SH3D21: variants seen among roughly 807,000 people sequenced by gnomAD.
The protein encoded by SH3D21 is SH3 domain-containing protein 21.
Under a neutral mutation model 82.1 loss-of-function variants are expected in SH3D21, and 83 were observed. The ratio of observed to expected loss-of-function variants is 1.01; its 90% confidence interval spans 0.85 to 1.21. The LOEUF (loss-of-function observed/expected upper bound fraction) is 1.21, where lower values mean the gene tolerates loss of function less well. Ranked by LOEUF, SH3D21 falls within the 50% of genes most tolerant of loss-of-function variation. The pLI, the probability that SH3D21 is intolerant of heterozygous loss-of-function variation, is 0.00. For synonymous variants in SH3D21, 383 were observed against 387.8 expected (o/e 0.99, Z 0.15); for missense variants, 980 against 962.1 (o/e 1.02, Z -0.25).
At chr1:36,319,371 G>A in intron 12 of SH3D21, 59 bp downstream of exon 12, 1 of 1,551,020 alleles carries the variant, frequency 6.4e-7, no homozygotes, top group Non-Finnish European at 8.7e-7. Context: ...GGGTGGCTGT[G>A]CGGAGGGACA....
At chr1:36,314,321 C>T (rs1646301626) in intron 10 of SH3D21, among the ~76,000 whole-genome samples, 1 of 151,376 alleles carries the variant, frequency 6.6e-6, no homozygotes, top group Admixed American at 6.6e-5. Flanking sequence ...GGAGAAATGT[C>T]TGTTTGGATC....
chr1:36,307,539 GGAA>G lies in SH3D21; in HGVS notation c.375_377del (p.Lys125del), dbSNP rs748548166. On this transcript the variant is annotated inframe_deletion, in exon 5 of 16. Transcript: ENST00000453908. The surrounding 1 kb of genome is among the most constrained non-coding windows in gnomAD (Gnocchi z 5.4). The stretch of plus-strand genomic sequence containing the variant: ...CAGATTGAGGACGGCTGGTGGCTGG[GGAA>G]GAAGAACGGGCAGCTGGGAGCCTTC... 37 of 1,551,694 alleles carry G rather than the reference GGAA, an allele frequency of 2.4e-5. No individual in the cohort carries two copies. The African/African-American group carries it at 3.3e-4, about 14-fold the overall frequency.
downstream of SH3D21, chr1:36,321,971 C>T (rs1646471100): frequency 8.5e-7 from 1 of 1,169,980 alleles, no homozygotes; most frequent in Non-Finnish European, 1.1e-6. This position sits in a 1 kb window ranked among gnomAD's most constrained non-coding sequence, Gnocchi z 6.1. Context: ...TCCTGGGGCC[C>T]CTGCGTGGCA....
At chr1:36,327,625 C>T, downstream of SH3D21, 1 of 1,181,876 alleles carries the variant, frequency 8.5e-7, no homozygotes, top group Non-Finnish European at 1.1e-6. Flanking sequence ...TCAGGTATGA[C>T]TCAGCCCTAG....
chr1:36,327,715 TC>T, downstream of SH3D21: 1 of 1,212,810 alleles, frequency 8.2e-7, no homozygotes, highest in Non-Finnish European at 1.1e-6. Context: ...TGCTGTCTTC[TC>T]CAGGGGCTTG....
At chr1:36,310,297 A>G (rs780060826) in intron 10 of SH3D21, among the ~76,000 whole-genome samples, 1 of 152,198 alleles carries the variant, frequency 6.6e-6, no homozygotes, top group Non-Finnish European at 1.5e-5. Context: ...TCAAAAGTAT[A>G]TATAACACAT....
downstream of SH3D21, among the ~76,000 whole-genome samples, chr1:36,327,031 G>A (rs1481521104): frequency 3.3e-5 from 5 of 152,168 alleles, no homozygotes; most frequent in Non-Finnish European, 7.3e-5. Flanking sequence ...AAGTGGATGA[G>A]ACCGAACATC....
At chr1:36,311,487 G>A (rs185419650) in intron 10 of SH3D21, among the ~76,000 whole-genome samples, 111 of 152,256 alleles carry the variant, frequency 7.3e-4, no homozygotes, top group African/African-American at 2.5e-3. Flanking sequence ...CGATCCGCCC[G>A]CCTTGGCCTC....
In SH3D21 at chr1:36,306,547, G is replaced by A; in HGVS notation, c.5-51G>A. 6 of 1,302,620 alleles carry A rather than the reference G, an allele frequency of 4.6e-6. No homozygotes were observed. In the South Asian group the frequency reaches 7.4e-5, roughly 16 times the overall value. The allele number at this position is 1,302,620 out of a possible 1,614,324, so 80.7% of individuals were successfully genotyped here. ...GGGACACGCCCGCCCTAGCCAGGCT[G>A]CCCGGCTGGGCCTTTCTGAGCCGCA... is the stretch of plus-strand genomic sequence containing the variant. On this transcript the variant is annotated intron_variant, in intron 1 of 15. Coordinates refer to ENST00000453908, the MANE Select transcript of SH3D21 (RefSeq NM_001162530.2). This position sits in a 1 kb window ranked among gnomAD's most constrained non-coding sequence, Gnocchi z 4.5.
At position 36,320,586 on chromosome 1, in the gene SH3D21, T is replaced by C; in HGVS notation, c.1923T>C (p.Ala641=). The change falls in exon 14 of 16, where the codon GCT becomes GCC. Residue 641 remains alanine (A), a synonymous_variant. Transcript: ENST00000453908. ...KEELPPKEEV[A]PKEEVPPIER... ...AATTGCCCCCTAAAGAGGAAGTGGC[T>C]CCAAAAGAGGAGGTGCCCCCCATAG... The C allele has an allele frequency of 1.2e-6, 2 of 1,614,062 alleles. No individual in the cohort carries two copies. The highest frequency in any genetic ancestry group is 1.7e-6 in the Non-Finnish European group (2 of 1,180,008).
chr1:36,309,531 ACTT>A lies in SH3D21; in HGVS notation c.727-13_727-11del, dbSNP rs751646419. On this transcript the variant is annotated splice_polypyrimidine_tract_variant and intron_variant, in intron 9 of 15. Coordinates refer to ENST00000453908, the MANE Select transcript of SH3D21 (RefSeq NM_001162530.2). ...TTTAGATTAAGGATGCTCAACCTTT[ACTT>A]CTTTTCGGCATAGATCAAGAAGCTG... is the stretch of plus-strand genomic sequence containing the variant. The A allele has an allele frequency of 2.8e-5, 43 of 1,551,268 alleles. No homozygotes were observed. The highest frequency in any genetic ancestry group is 3.7e-5 in the Non-Finnish European group (42 of 1,146,808).
rs1246186208 is a variant in SH3D21, at chr1:36,307,700, C to T, written c.437-70C>T. The T allele has an allele frequency of 2.0e-6, 3 of 1,536,834 alleles. No homozygotes were observed. Among genetic ancestry groups the T allele is most frequent in the Non-Finnish European group, 1.8e-6 (2 of 1,136,380 alleles). On this transcript the variant is annotated intron_variant, in intron 5 of 15. Coordinates refer to ENST00000453908, the MANE Select transcript of SH3D21 (RefSeq NM_001162530.2). This position sits in a 1 kb window ranked among gnomAD's most constrained non-coding sequence, Gnocchi z 5.4. ...TGATTCACATATCCTGACCCTGTGA[C>T]CCCTCTGACCCTCTCCCATGACCTA...
downstream of SH3D21, chr1:36,328,168 G>A (rs1403567231): frequency 8.8e-6 from 4 of 456,030 alleles, no homozygotes; most frequent in Admixed American, 2.3e-5. Flanking sequence ...AACACAGGAA[G>A]GACAGGCCTT....
rs143320618 is a variant in SH3D21 at position 36,319,918 on chromosome 1, A to G, written c.1255A>G (p.Met419Val). The part of the protein sequence containing the change: ...APDKVPTPEK[M>V]VTPEDKASIP... ...TGACAAAGTCCCCACCCCAGAGAAGATGGTGACTCCGGAGGACAAGGCTTC... is the reference window on the plus strand; with the variant it reads ...TGACAAAGTCCCCACCCCAGAGAAGGTGGTGACTCCGGAGGACAAGGCTTC... The change falls in exon 14 of 16, where the codon ATG becomes GTG. Residue 419 changes from methionine to valine, a missense_variant. By Grantham distance (21) the Met-to-Val change is conservative. Transcript: ENST00000453908. The G allele has an allele frequency of 5.0e-6, 8 of 1,613,800 alleles. No homozygotes were observed. Among genetic ancestry groups the G allele is most frequent in the Middle Eastern group, 1.6e-4 (1 of 6,084 alleles).
Position 36,307,434 on chromosome 1 carries a change from C to T in SH3D21, c.346-83C>T. The T allele has an allele frequency of 6.6e-7, 1 of 1,515,578 alleles. No homozygotes were observed. The highest frequency in any genetic ancestry group is 8.9e-7 in the Non-Finnish European group (1 of 1,119,810). 93.9% of individuals were successfully genotyped at this position (1,515,578 alleles called of 1,614,324 possible). On this transcript the variant is annotated intron_variant, in intron 4 of 15. Coordinates refer to ENST00000453908, the MANE Select transcript of SH3D21 (RefSeq NM_001162530.2). The surrounding 1 kb of genome is among the most constrained non-coding windows in gnomAD (Gnocchi z 5.4). ...GGAGGGAAGGAGGGAGGAAGGGGCG[C>T]TTGGGCAGAACCAAGGGTGGCAGAT...
At chr1:36,326,960 G>A (rs1020091033), downstream of SH3D21, among the ~76,000 whole-genome samples, 1 of 152,168 alleles carries the variant, frequency 6.6e-6, no homozygotes, top group Non-Finnish European at 1.5e-5. Flanking sequence ...GAACCCCCAG[G>A]AATCTGGCTG....
In SH3D21 at chr1:36,306,459, C is replaced by T. The variant is rs539958392; in HGVS notation, c.4+35C>T. ...GAGGCTTTGAGGTGGCCTCTCTCTG[C>T]AACCGTGGACATAGCAAGAGCCCAC... On this transcript the variant is annotated intron_variant, in intron 1 of 15. Coordinates refer to ENST00000453908, the MANE Select transcript of SH3D21 (RefSeq NM_001162530.2). This position sits in a 1 kb window ranked among gnomAD's most constrained non-coding sequence, Gnocchi z 4.5. 3 of 1,305,404 alleles carry T rather than the reference C, an allele frequency of 2.3e-6. No homozygotes were observed. Among genetic ancestry groups the T allele is most frequent in the African/African-American group, 3.0e-5 (2 of 66,002 alleles). 80.9% of individuals were successfully genotyped at this position (1,305,404 alleles called of 1,614,324 possible).
At position 36,319,511 on chromosome 1, in the gene SH3D21, C is replaced by G. The variant is rs369660894; in HGVS notation, c.986C>G (p.Pro329Arg). Reference sequence around the variant, plus strand: ...CGAAAGCGATCCAAAACCCAGACTCCCCAGCAACGCTCTGTGTCCAGTCAG... The same window carrying G: ...CGAAAGCGATCCAAAACCCAGACTCGCCAGCAACGCTCTGTGTCCAGTCAG... ...PGRKRSKTQT[P>R]QQRSVSSQEE... The change falls in exon 13 of 16, where the codon CCC (proline) becomes CGC (arginine). Residue 329 changes from proline to arginine, a missense_variant. Transcript: ENST00000453908. The G allele has an allele frequency of 2.1e-4, 319 of 1,551,570 alleles. No homozygotes were observed. Among genetic ancestry groups the G allele is most frequent in the Non-Finnish European group, 2.7e-4 (306 of 1,147,002 alleles).
intron 10 of SH3D21, among the ~76,000 whole-genome samples, chr1:36,314,274 C>T (rs1425701932): frequency 1.3e-5 from 2 of 150,972 alleles, no homozygotes; most frequent in Admixed American, 6.6e-5. Flanking sequence ...CGCGCCCGGC[C>T]CGATGCTGAG....
Sources: allele counts gnomAD v4.1 joint callset (sites outside exome capture counted in the v4.1 genomes callset), GRCh38; gene constraint gnomAD v4.1.1; non-coding constraint Gnocchi (gnomAD v3.1); transcripts MANE v1.5; gene names NCBI Gene and HGNC (gene_info 2026-07-23, HGNC 2026-07-21).